EYS: variants seen among roughly 807,000 people sequenced by gnomAD.
EYS encodes EGF-like photoreceptor maintenance factor, also known as protein eyes shut homolog.
Under a neutral mutation model 282.1 loss-of-function variants are expected in EYS, and 250 were observed. The observed-to-expected ratio is 0.89, with a 90% confidence interval of 0.80 to 0.98. The LOEUF (loss-of-function observed/expected upper bound fraction) is 0.98, where lower values mean the gene tolerates loss of function less well. EYS is among the 50% of genes least tolerant of loss of function. The pLI, the probability that EYS is intolerant of heterozygous loss-of-function variation, is 0.00. For synonymous variants in EYS, 1,355 were observed against 1,282.9 expected (o/e 1.06, Z -1.20); for missense variants, 4,016 against 3,709.0 (o/e 1.08, Z -2.15).
intron 12 of EYS, among the ~76,000 whole-genome samples, chr6:65,210,110 A>G (rs1766137335): frequency 6.6e-6 from 1 of 152,056 alleles, no homozygotes; most frequent in African/African-American, 2.4e-5. Flanking sequence ...GAAAAGGAAA[A>G]CAGTGATATA....
chr6:65,340,056 A>T (rs577379952), intron 10 of EYS, among the ~76,000 whole-genome samples: 1 of 151,262 alleles, frequency 6.6e-6, no homozygotes, highest in African/African-American at 2.4e-5. Context: ...AAGGGAACAG[A>T]TTTTAAAAAT....
chr6:64,664,744 G>C (rs1769168779), intron 22 of EYS, among the ~76,000 whole-genome samples: 1 of 152,156 alleles, frequency 6.6e-6, no homozygotes. Context: ...AACACAGTAA[G>C]AAGACAGCTG....
chr6:64,740,298 T>C (rs1216751842), intron 22 of EYS, among the ~76,000 whole-genome samples: 2 of 152,314 alleles, frequency 1.3e-5, no homozygotes, highest in African/African-American at 4.8e-5. Flanking sequence ...AAAAAAAATA[T>C]GAGAATGAAT....
chr6:65,647,657 T>A (rs558397799), intron 1 of EYS, among the ~76,000 whole-genome samples: 2 of 152,156 alleles, frequency 1.3e-5, no homozygotes, highest in Non-Finnish European at 2.9e-5. Flanking sequence ...AAAACAAAGA[T>A]ATTGTAAATA....
In EYS at chr6:64,750,458, A is replaced by G. The variant is rs1772708276; in HGVS notation, c.3443+62920T>C. 2.0e-5 allele frequency among the ~76,000 whole-genome samples: 3 copies of G among 151,976 alleles called. No individual in the cohort carries two copies. The South Asian group carries it at 6.2e-4, about 32-fold the overall frequency. ...GCTTTCTTTTTCTGAAATATTACAG[A>G]GAAGCTAAATGGTAAATAATTTTTT... On this transcript the variant is annotated intron_variant, in intron 22 of 42. Transcript: ENST00000503581.
At position 63,918,178 on chromosome 6, in the gene EYS, T is replaced by G. The variant is rs147434635; in HGVS notation, c.7056-53820A>C. 6.9e-3 allele frequency among the ~76,000 whole-genome samples: 1,044 copies of G among 152,316 alleles called. 14 individuals carry two copies. Among genetic ancestry groups the G allele is most frequent in the African/African-American group, 0.022 (929 of 41,574 alleles). On this transcript the variant is annotated intron_variant, in intron 35 of 42. Coordinates refer to ENST00000503581, the MANE Select transcript of EYS (RefSeq NM_001142800.2). ...TCCTGATGGGAATTACCGCATAACATTTATAGTAGGATCCATGCCATCCTT... is the reference window on the plus strand; with the variant it reads ...TCCTGATGGGAATTACCGCATAACAGTTATAGTAGGATCCATGCCATCCTT...
At chr6:65,690,215 G>T (rs1218392885) in intron 1 of EYS, among the ~76,000 whole-genome samples, 1 of 150,066 alleles carries the variant, frequency 6.7e-6, no homozygotes, top group African/African-American at 2.4e-5. Context: ...ATATTAATCA[G>T]CAGTAACAGT....
chr6:64,372,130 G>GTTTTGTTTTTT (rs1772394706), intron 29 of EYS, among the ~76,000 whole-genome samples: 1 of 97,738 alleles, frequency 1.0e-5, no homozygotes, highest in African/African-American at 4.7e-5. Context: ...GTATACTTGT[G>GTTTTGTTTTTT]TTTTTTTTTT....
chr6:64,116,947 A>G (rs917666827), intron 31 of EYS, among the ~76,000 whole-genome samples: 1 of 152,118 alleles, frequency 6.6e-6, no homozygotes, highest in Non-Finnish European at 1.5e-5. Context: ...GGGAAGAGAC[A>G]GACAGTAATA....
chr6:64,852,485 T>C (rs1167518349), intron 19 of EYS, among the ~76,000 whole-genome samples: 2 of 152,148 alleles, frequency 1.3e-5, no homozygotes, highest in African/African-American at 4.8e-5. Context: ...GACAGCCTAT[T>C]GTGGGACATT....
At chr6:64,061,596 G>A (rs1032090072) in intron 33 of EYS, among the ~76,000 whole-genome samples, 1 of 152,030 alleles carries the variant, frequency 6.6e-6, no homozygotes, top group Non-Finnish European at 1.5e-5. Context: ...TTAGTTGGAG[G>A]AAGTACTGGC....
chr6:64,161,585 A>T (rs1273045452), intron 31 of EYS, among the ~76,000 whole-genome samples: 3 of 152,196 alleles, frequency 2.0e-5, no homozygotes, highest in Non-Finnish European at 4.4e-5. Context: ...AAGAAGATAA[A>T]AGGCACTCAT....
At chr6:64,254,016 G>A (rs941476887) in intron 30 of EYS, among the ~76,000 whole-genome samples, 5 of 152,002 alleles carry the variant, frequency 3.3e-5, no homozygotes, top group African/African-American at 1.2e-4. Context: ...ATCAACCTAA[G>A]CTTTTAATTC....
In EYS at chr6:64,744,103, C is replaced by T. The variant is rs539748533; in HGVS notation, c.3443+69275G>A. Among the ~76,000 whole-genome samples, 26 of 152,058 alleles carry T rather than the reference C, an allele frequency of 1.7e-4. 1 individual carries two copies. The South Asian group carries it at 3.9e-3, about 23-fold the overall frequency. ...AATCTTGGCCTAAATTAAGCTATTA[C>T]GAAGAATCTTATGTTTCTAATATTT... is the stretch of plus-strand genomic sequence containing the variant. On this transcript the variant is annotated intron_variant, in intron 22 of 42. Coordinates refer to ENST00000503581, the MANE Select transcript of EYS (RefSeq NM_001142800.2).
intron 26 of EYS, among the ~76,000 whole-genome samples, chr6:64,531,589 T>TTTTATTTTATTTTA (rs1764341478): frequency 6.7e-6 from 1 of 148,224 alleles, no homozygotes; most frequent in Non-Finnish European, 1.5e-5. Flanking sequence ...TTTTATTTTA[T>TTTTATTTTATTTTA]TTTATTTTAT....
At chr6:63,775,395 T>G (rs1770040531) in intron 40 of EYS, among the ~76,000 whole-genome samples, 1 of 152,222 alleles carries the variant, frequency 6.6e-6, no homozygotes, top group Non-Finnish European at 1.5e-5. Context: ...TGATCAGCTT[T>G]GAGGTTTTCC....
chr6:63,885,977 C>T (rs1274975885), intron 35 of EYS, among the ~76,000 whole-genome samples: 2 of 152,162 alleles, frequency 1.3e-5, no homozygotes, highest in Non-Finnish European at 2.9e-5. Flanking sequence ...GTCTTTCAAC[C>T]ATTCAAACTC....
chr6:65,566,937 ACAT>A (rs1299278307), intron 2 of EYS, among the ~76,000 whole-genome samples: 8 of 152,280 alleles, frequency 5.3e-5, no homozygotes, highest in East Asian at 1.9e-4. Context: ...ATTACTTAGC[ACAT>A]CATCATGATT....
At chr6:64,403,039 C>T (rs765534509) in intron 28 of EYS, among the ~76,000 whole-genome samples, 25 of 151,934 alleles carry the variant, frequency 1.6e-4, no homozygotes, top group Non-Finnish European at 2.8e-4. Flanking sequence ...TAAAACAATA[C>T]TCAATAATAA....
Sources: allele counts gnomAD v4.1 joint callset (sites outside exome capture counted in the v4.1 genomes callset), GRCh38; gene constraint gnomAD v4.1.1; transcripts MANE v1.5; gene names NCBI Gene and HGNC (gene_info 2026-07-23, HGNC 2026-07-21).